The following PHF20L1 variants were observed in gnomAD, a reference collection of about 807,000 sequenced individuals.
PHF20L1 encodes the protein PHD finger protein 20 like 1.
PHF20L1 carries 44 observed loss-of-function variants against 125.5 expected under a neutral mutation model. The observed-to-expected ratio is 0.35, with a 90% CI of 0.28 to 0.45. The LOEUF (loss-of-function observed/expected upper bound fraction) is 0.45. Among genes scored for constraint, PHF20L1 ranks in the 20% least tolerant of loss-of-function variants. PHF20L1 has a pLI of 1.00. For synonymous variants in PHF20L1, 380 were observed against 403.1 expected, an observed-to-expected ratio of 0.94 and a Z score of 0.69; for missense variants, 1,012 against 1,217.2, an observed-to-expected ratio of 0.83 and a Z score of 2.51.
intron 14 of PHF20L1, 85 bp downstream of exon 14, chr8:132,825,456 A>C (rs988470202): frequency 3.3e-5 from 37 of 1,117,316 alleles, no homozygotes; most frequent in Non-Finnish European, 3.8e-5. Context: ...AAATGGAGTC[A>C]TGACACGATC....
At chr8:132,787,084 G>T (rs1831125183) in intron 2 of PHF20L1, among the ~76,000 whole-genome samples, 1 of 151,832 alleles carries the variant, frequency 6.6e-6, no homozygotes, top group Non-Finnish European at 1.5e-5. Flanking sequence ...TAAACTTTGA[G>T]TCAAATACTG....
At position 132,843,396 on chromosome 8, in the gene PHF20L1, A is replaced by G. The variant is rs566035337; in HGVS notation, c.2748+521A>G. ...TTCACTGGGATTATCTTAGAAATGT[A>G]CCTTTATTTTTTACTGATTTTCAAT... On this transcript the variant is annotated intron_variant, in intron 19 of 20. Coordinates refer to ENST00000395386, the MANE Select transcript of PHF20L1 (RefSeq NM_016018.5). 18 of 980,194 alleles carry G rather than the reference A, an allele frequency of 1.8e-5. No homozygotes were observed. The South Asian group carries it at 1.9e-4, about 10-fold the overall frequency. The allele number at this position is 980,194 out of a possible 1,614,324, so 60.7% of individuals were successfully genotyped here.
At chr8:132,815,979 ATTC>A (rs1202810751) in intron 10 of PHF20L1, 1 of 151,824 alleles carries the variant, frequency 6.6e-6, no homozygotes, top group East Asian at 1.9e-4. Context: ...ATTAAATTTT[ATTC>A]TTTCATATTT....
chr8:132,792,846 A>G (rs923853035), intron 2 of PHF20L1, among the ~76,000 whole-genome samples: 2 of 152,160 alleles, frequency 1.3e-5, no homozygotes, highest in Admixed American at 6.6e-5. Flanking sequence ...GACTCTAGTA[A>G]CACTGAATGC....
chr8:132,788,581 G>A (rs1276976571), intron 2 of PHF20L1, among the ~76,000 whole-genome samples: 1 of 142,040 alleles, frequency 7.0e-6, no homozygotes, highest in Non-Finnish European at 1.5e-5. Flanking sequence ...AATTTCCCTT[G>A]TCATTTTCTC....
At chr8:132,830,583 G>A (rs1291695222) in intron 14 of PHF20L1, among the ~76,000 whole-genome samples, 1 of 151,790 alleles carries the variant, frequency 6.6e-6, no homozygotes, top group Non-Finnish European at 1.5e-5. Context: ...TCCCTAACCT[G>A]CGTCACTTGA....
chr8:132,822,222 G>A (rs1835684505), intron 12 of PHF20L1, among the ~76,000 whole-genome samples: 1 of 151,852 alleles, frequency 6.6e-6, no homozygotes, highest in Non-Finnish European at 1.5e-5. Flanking sequence ...CCCCACTCTG[G>A]GAATGACTGC....
chr8:132,801,291 G>A (rs1563802557), intron 6 of PHF20L1, among the ~76,000 whole-genome samples: 1 of 151,618 alleles, frequency 6.6e-6, no homozygotes, highest in African/African-American at 2.4e-5. Flanking sequence ...AACATTTTTT[G>A]TGTGCCTTGT....
In PHF20L1 at chr8:132,799,137, C is replaced by T; in HGVS notation, c.472C>T (p.Pro158Ser). ...ACTAAGCTGGTGTTGTCCTATCGAC[C>T]CAGCTGGATCGTGTAACCAGTCTAT... ...HPLSWCCPID[P>S]AGSCNQSMGS... Residue 158 changes from proline to serine, a missense_variant, in exon 6 of 21, where the codon CCA (proline) becomes TCA (serine). Coordinates refer to ENST00000395386, the MANE Select transcript of PHF20L1 (RefSeq NM_016018.5). 6.2e-7 allele frequency: 1 copy of T among 1,609,864 alleles called. No individual in the cohort carries two copies. Among genetic ancestry groups the T allele is most frequent in the East Asian group, 2.2e-5 (1 of 44,794 alleles).
intron 9 of PHF20L1, chr8:132,812,771 G>A (rs1303417753): frequency 1.4e-5 from 14 of 983,702 alleles, no homozygotes; most frequent in Non-Finnish European, 1.7e-5. Flanking sequence ...AGACCTAAAG[G>A]AGAGGTATTG....
At chr8:132,817,855 A>G (rs1835149619) in intron 12 of PHF20L1, 2 of 214,734 alleles carry the variant, frequency 9.3e-6, no homozygotes. Context: ...GTATAGTTAC[A>G]GGAATTCTTA....
intron 9 of PHF20L1, chr8:132,812,183 A>C: frequency 1.0e-6 from 1 of 981,070 alleles, no homozygotes; most frequent in Non-Finnish European, 1.2e-6. Flanking sequence ...AATTTTAAAT[A>C]ACTTTTTTTA....
At chr8:132,818,397 T>C (rs757884177) in intron 12 of PHF20L1, 2 of 151,946 alleles carry the variant, frequency 1.3e-5, no homozygotes, top group African/African-American at 4.8e-5. Context: ...TCATTGTGTT[T>C]ACAGGCGTCT....
At chr8:132,781,405 A>G (rs889216805) in intron 2 of PHF20L1, among the ~76,000 whole-genome samples, 1 of 151,790 alleles carries the variant, frequency 6.6e-6, no homozygotes, top group African/African-American at 2.4e-5. Flanking sequence ...ATTTATTTTT[A>G]TTTTATCTTA....
chr8:132,789,724 A>G (rs1831457614), intron 2 of PHF20L1, among the ~76,000 whole-genome samples: 1 of 152,168 alleles, frequency 6.6e-6, no homozygotes, highest in Non-Finnish European at 1.5e-5. Flanking sequence ...TTTCTACACA[A>G]GTAGATAACA....
chr8:132,803,832 T>C lies in PHF20L1; in HGVS notation c.521T>C (p.Leu174Ser). Residue 174 changes from leucine (L) to serine (S), a missense_variant, in exon 7 of 21, where the codon TTA becomes TCA. Physicochemically the swap from Leu to Ser is moderately radical, Grantham distance 145. Transcript: ENST00000395386. ...TTTCCTTTGGAGGATTGGATAGCTT[T>C]AGTCAAAGCAGCTGCTGCAGCTGCA... ...QSMGSEDWIA[L>S]VKAAAAAAAK... The C allele has an allele frequency of 6.3e-7, 1 of 1,599,466 alleles. No homozygotes were observed. Among genetic ancestry groups the C allele is most frequent in the South Asian group, 1.1e-5 (1 of 90,374 alleles).
In PHF20L1 at chr8:132,799,368, G is replaced by C. The variant is rs141346489; in HGVS notation, c.507+196G>C. On this transcript the variant is annotated intron_variant, in intron 6 of 20. Transcript: ENST00000395386. The stretch of plus-strand genomic sequence containing the variant: ...TAGGCTGTTTCAGATAGGGCTCTCT[G>C]AGTCATGTGATGGAAGCAGTGTATT... 7.0e-5 allele frequency: 31 copies of C among 441,662 alleles called. No homozygotes were observed. In the East Asian group the frequency reaches 1.0e-3, roughly 15 times the overall value. 27.4% of individuals were successfully genotyped at this position (441,662 alleles called of 1,614,324 possible).
chr8:132,804,047 C>G lies in PHF20L1; in HGVS notation c.721+15C>G. On this transcript the variant is annotated intron_variant, in intron 7 of 20. Transcript: ENST00000395386. The stretch of plus-strand genomic sequence containing the variant: ...TGAAACATTTGGTACAAAATACATT[C>G]TTACGTTAATTCCTTATGACACTGG... 6.5e-7 allele frequency: 1 copy of G among 1,529,404 alleles called. No individual in the cohort carries two copies. Among genetic ancestry groups the G allele is most frequent in the Non-Finnish European group, 9.1e-7 (1 of 1,104,476 alleles). The allele number at this position is 1,529,404 out of a possible 1,614,324, so 94.7% of individuals were successfully genotyped here.
intron 8 of PHF20L1, chr8:132,807,191 T>C (rs529955449): frequency 6.4e-6 from 1 of 155,122 alleles, no homozygotes; most frequent in East Asian, 1.9e-4. Context: ...GCATATTGCA[T>C]ATACTGTGCA....
Sources: gnomAD v4.1 joint callset for allele counts (sites outside exome capture counted in the v4.1 genomes callset) on GRCh38, gnomAD v4.1.1 for gene constraint, MANE v1.5 for transcripts, NCBI Gene and HGNC (gene_info 2026-07-23, HGNC 2026-07-21) for gene names.